Variants in PTPRC observed in about 807,000 individuals in gnomAD.
PTPRC encodes receptor-type tyrosine-protein phosphatase C.
In PTPRC, 44 loss-of-function variants were observed where a neutral mutation model predicts 155.9. The observed-to-expected ratio is 0.28, with a 90% CI of 0.22 to 0.36. The LOEUF (loss-of-function observed/expected upper bound fraction) is 0.36, where lower values mean the gene tolerates loss of function less well. PTPRC is among the 10% of genes least tolerant of loss of function. The pLI is 1.00. For missense variants in PTPRC, 1,401 were observed against 1,564.6 expected (o/e 0.90, Z 1.76); for synonymous variants, 525 against 533.1 (o/e 0.98, Z 0.21).
rs780855991 is a variant in PTPRC at position 198,703,296 on chromosome 1, A to C, written c.584-2A>C. On this transcript the variant is annotated splice_acceptor_variant, in intron 6 of 32. Coordinates refer to ENST00000442510, the MANE Select transcript of PTPRC (RefSeq NM_002838.5). LOFTEE classifies it high-confidence loss of function. ...TTTATTCTTCTATTCATTTTCTTGC[A>C]GATGCCTACCTTAATGCCTCTGAAA... 1 of 1,613,040 alleles carries C rather than the reference A, an allele frequency of 6.2e-7. No homozygotes were observed. Among genetic ancestry groups the C allele is most frequent in the South Asian group, 1.1e-5 (1 of 91,078 alleles).
chr1:198,755,912 T>C lies in PTPRC; in HGVS notation c.3652T>C (p.Tyr1218His). The change falls in exon 33 of 33, where the codon TAT becomes CAT. Residue 1218 changes from tyrosine (Y) to histidine (H), a missense_variant. Transcript: ENST00000442510. ...RPGMVSTFEQ[Y>H]QFLYDVIAST... ...CACTTAATTCCTTTACTAGGAGCAA[T>C]ATCAATTCCTATATGACGTCATTGC... 1.2e-6 allele frequency: 2 copies of C among 1,609,696 alleles called. No individual in the cohort carries two copies. Among genetic ancestry groups the C allele is most frequent in the South Asian group, 2.2e-5 (2 of 90,882 alleles).
chr1:198,702,794 C>A (rs988599101), intron 6 of PTPRC, among the ~76,000 whole-genome samples: 57 of 152,290 alleles, frequency 3.7e-4, no homozygotes, highest in Middle Eastern at 3.4e-3. Context: ...GCTCTGGGAT[C>A]AAATCCAATT....
At chr1:198,680,013 C>A in intron 2 of PTPRC, 1 of 565,036 alleles carries the variant, frequency 1.8e-6, no homozygotes, top group Admixed American at 3.1e-5. Context: ...GGCTCAAGGG[C>A]CTGGACCGCT....
chr1:198,709,827 G>A lies in PTPRC; in HGVS notation c.1171+3G>A, dbSNP rs1391979301. 1 of 1,610,900 alleles carries A rather than the reference G, an allele frequency of 6.2e-7. No individual in the cohort carries two copies. The highest frequency in any genetic ancestry group is 8.5e-7 in the Non-Finnish European group (1 of 1,178,360). On this transcript the variant is annotated splice_donor_region_variant and intron_variant, in intron 11 of 32. Coordinates refer to ENST00000442510, the MANE Select transcript of PTPRC (RefSeq NM_002838.5). ...AATTATTAAAACAGATTTTGGGAGT[G>A]AGTATGTTACTTGCATTTATATGTA...
intron 6 of PTPRC, 89 bp from the exon 7 acceptor site, chr1:198,703,209 T>A: frequency 6.3e-7 from 1 of 1,582,986 alleles, no homozygotes; most frequent in Non-Finnish European, 8.6e-7. Flanking sequence ...AAGATGCCAA[T>A]AGGAAATTAT....
At chr1:198,718,928 AC>A (rs1460116915) in intron 14 of PTPRC, among the ~76,000 whole-genome samples, 1 of 152,150 alleles carries the variant, frequency 6.6e-6, no homozygotes, top group African/African-American at 2.4e-5. Context: ...TAAATATTTA[AC>A]TACTATGTAG....
At chr1:198,702,609 A>G in intron 6 of PTPRC, 79 bp downstream of exon 6, 1 of 1,550,308 alleles carries the variant, frequency 6.5e-7, no homozygotes, top group East Asian at 2.2e-5. Flanking sequence ...TAGCTCTTTT[A>G]TTTTGTGCCA....
chr1:198,658,870 G>A (rs76621070), intron 2 of PTPRC, among the ~76,000 whole-genome samples: 5,624 of 151,888 alleles, frequency 0.037, 182 homozygotes, highest in East Asian at 0.14. Flanking sequence ...TTTAGAGTAA[G>A]AATCTTTAGA....
intron 2 of PTPRC, among the ~76,000 whole-genome samples, chr1:198,677,325 G>A (rs1178229087): frequency 2.0e-5 from 3 of 152,144 alleles, no homozygotes; most frequent in African/African-American, 7.2e-5. Context: ...TTGTGAGAGA[G>A]GGCCTTCATT....
chr1:198,720,222 C>T (rs956349064), intron 14 of PTPRC, among the ~76,000 whole-genome samples: 3 of 152,024 alleles, frequency 2.0e-5, no homozygotes, highest in Non-Finnish European at 4.4e-5. Flanking sequence ...TTGGCATAGG[C>T]GTTGGATGAC....
chr1:198,695,290 G>C lies in PTPRC; in HGVS notation c.101-1422G>C, dbSNP rs1243795086. 10 of 719,228 alleles carry C rather than the reference G, an allele frequency of 1.4e-5. No individual in the cohort carries two copies. In the South Asian group the frequency reaches 6.4e-4, roughly 46 times the overall value. 44.6% of individuals were successfully genotyped at this position (719,228 alleles called of 1,614,324 possible). On this transcript the variant is annotated intron_variant, in intron 3 of 32. Transcript: ENST00000442510. ...TCATTCTCTCCCTTTTTCCATATTT[G>C]TGCCATTGTCTTTTGCCCAATCTTG...
chr1:198,747,201 A>T (rs1571891465), intron 26 of PTPRC, among the ~76,000 whole-genome samples: 1 of 151,610 alleles, frequency 6.6e-6, no homozygotes, highest in East Asian at 2.0e-4. Context: ...TGATACCTAG[A>T]GGGTAAGAAA....
chr1:198,743,152 G>A (rs961379026), intron 25 of PTPRC, among the ~76,000 whole-genome samples: 30 of 146,558 alleles, frequency 2.0e-4, no homozygotes, highest in African/African-American at 7.3e-4. Flanking sequence ...GGAATAGGAA[G>A]ACAAAATGTG....
intron 6 of PTPRC, among the ~76,000 whole-genome samples, chr1:198,702,978 T>A (rs1666536587): frequency 6.6e-6 from 1 of 152,182 alleles, no homozygotes; most frequent in African/African-American, 2.4e-5. Context: ...AAAGAGTAAT[T>A]GTGACGCTTA....
intron 31 of PTPRC, among the ~76,000 whole-genome samples, chr1:198,753,397 TATATA>T (rs1386471334): frequency 2.0e-5 from 3 of 151,942 alleles, no homozygotes; most frequent in African/African-American, 7.2e-5. Flanking sequence ...GAAAGAAAGA[TATATA>T]ATATAAAAGT....
chr1:198,651,076 C>A (rs1001342741), intron 2 of PTPRC, among the ~76,000 whole-genome samples: 3 of 151,580 alleles, frequency 2.0e-5, no homozygotes, highest in African/African-American at 7.3e-5. Flanking sequence ...CCTAATATAT[C>A]CCTTGCTAGC....
chr1:198,698,797 G>T (rs2102390819), intron 4 of PTPRC, among the ~76,000 whole-genome samples: 1 of 151,596 alleles, frequency 6.6e-6, no homozygotes, highest in South Asian at 2.1e-4. Flanking sequence ...TATACATATA[G>T]GATTAAAGTA....
At chr1:198,671,749 A>G (rs1455884035) in intron 2 of PTPRC, among the ~76,000 whole-genome samples, 2 of 152,244 alleles carry the variant, frequency 1.3e-5, no homozygotes, top group East Asian at 3.8e-4. Context: ...GGTGAATTAT[A>G]TCAGCTTCCA....
chr1:198,666,168 T>C (rs4915153), intron 2 of PTPRC, among the ~76,000 whole-genome samples: 126,827 of 150,270 alleles, frequency 0.84, 53,602 homozygotes, highest in East Asian at 0.95. Context: ...AGGAAATGGA[T>C]GCTGCAGTGA....
Sources: gnomAD v4.1 joint callset for allele counts (sites outside exome capture counted in the v4.1 genomes callset) on GRCh38, gnomAD v4.1.1 for gene constraint, MANE v1.5 for transcripts, NCBI Gene and HGNC (gene_info 2026-07-23, HGNC 2026-07-21) for gene names.